PPP1R12A: variants seen among roughly 807,000 people sequenced by gnomAD.
PPP1R12A encodes protein phosphatase 1 regulatory subunit 12A.
A neutral mutation model predicts 139.6 loss-of-function variants in PPP1R12A; 19 were observed. The observed-to-expected ratio is 0.14, with a 90% CI of 0.09 to 0.20. PPP1R12A has a LOEUF of 0.20. Among genes scored for constraint, PPP1R12A ranks in the 10% least tolerant of loss-of-function variants. The pLI is 1.00. For missense variants in PPP1R12A, 925 were observed against 1,211.5 expected (o/e 0.76, Z 3.51); for synonymous variants, 427 against 420.6 (o/e 1.02, Z -0.19).
At chr12:79,839,530 C>G (rs1401006929) in intron 3 of PPP1R12A, among the ~76,000 whole-genome samples, 5 of 152,102 alleles carry the variant, frequency 3.3e-5, no homozygotes, top group Non-Finnish European at 7.4e-5. Context: ...CCCACAATCC[C>G]CACAAGTCGT....
intron 5 of PPP1R12A, among the ~76,000 whole-genome samples, chr12:79,824,198 C>T (rs1876486032): frequency 6.6e-6 from 1 of 152,130 alleles, no homozygotes; most frequent in Non-Finnish European, 1.5e-5. Context: ...ATTAGAAATA[C>T]ATGTTAATTC....
At chr12:79,788,611 T>C in intron 21 of PPP1R12A, 37 bp downstream of exon 21, 1 of 1,533,188 alleles carries the variant, frequency 6.5e-7, no homozygotes, top group Non-Finnish European at 8.8e-7. Flanking sequence ...ACATAAAAGA[T>C]AACTTTTTAT....
intron 1 of PPP1R12A, among the ~76,000 whole-genome samples, chr12:79,911,008 G>C (rs1224192225): frequency 6.6e-6 from 1 of 152,116 alleles, no homozygotes; most frequent in Non-Finnish European, 1.5e-5. Context: ...CAGAGAGAAT[G>C]GAAGGGATAT....
chr12:79,930,849 G>A (rs1888200210), intron 1 of PPP1R12A, among the ~76,000 whole-genome samples: 1 of 152,154 alleles, frequency 6.6e-6, no homozygotes. Context: ...AAGAACTGAT[G>A]CCAAGGTAAT....
chr12:79,794,419 G>A (rs1872257165), intron 18 of PPP1R12A, among the ~76,000 whole-genome samples: 1 of 151,700 alleles, frequency 6.6e-6, no homozygotes, highest in South Asian at 2.1e-4. Context: ...TTGTGCTATT[G>A]TTTTCATATG....
chr12:79,905,564 T>C lies in PPP1R12A; in HGVS notation c.237+29131A>G, dbSNP rs552741201. 8.5e-5 allele frequency among the ~76,000 whole-genome samples: 13 copies of C among 152,336 alleles called. 1 individual carries two copies. The East Asian group carries it at 2.5e-3, about 29-fold the overall frequency. On this transcript the variant is annotated intron_variant, in intron 1 of 24. Coordinates refer to ENST00000450142, the MANE Select transcript of PPP1R12A (RefSeq NM_002480.3). ...TGCCTTCCTGCTGAAGGCAGGATGCTGCAGATACTTTCTGATTTAAGGCTA... is the reference window on the plus strand; with the variant it reads ...TGCCTTCCTGCTGAAGGCAGGATGCCGCAGATACTTTCTGATTTAAGGCTA...
rs1871720618 is a variant in PPP1R12A at position 79,790,598 on chromosome 12, C to T, written c.2650-115G>A. ...ATCAATAGAAGCAAACGAATGAACA[C>T]CTAAGGTTCTTTATGCATAACAGTA... On this transcript the variant is annotated intron_variant, in intron 19 of 24. Coordinates refer to ENST00000450142, the MANE Select transcript of PPP1R12A (RefSeq NM_002480.3). 3 of 701,132 alleles carry T rather than the reference C, an allele frequency of 4.3e-6. No individual in the cohort carries two copies. The African/African-American group carries it at 5.5e-5, about 13-fold the overall frequency. 43.4% of individuals were successfully genotyped at this position (701,132 alleles called of 1,614,324 possible). A position where few individuals can be genotyped will look rare whatever the true frequency, so the allele number is the denominator to read the frequency against.
intron 23 of PPP1R12A, chr12:79,780,280 G>GT (rs1377914168): frequency 6.6e-6 from 1 of 151,850 alleles, no homozygotes; most frequent in African/African-American, 2.4e-5. Flanking sequence ...CATGTAAAGT[G>GT]TTTAATTTTG....
At chr12:79,887,554 A>G (rs1884221581) in intron 1 of PPP1R12A, among the ~76,000 whole-genome samples, 1 of 152,170 alleles carries the variant, frequency 6.6e-6, no homozygotes, top group Non-Finnish European at 1.5e-5. Context: ...AACTTTTTGG[A>G]GAAAATAAAT....
At chr12:79,854,587 T>C (rs1880412811) in intron 2 of PPP1R12A, among the ~76,000 whole-genome samples, 1 of 152,220 alleles carries the variant, frequency 6.6e-6, no homozygotes. Flanking sequence ...TAAGACTGTG[T>C]AGGTTCAAAC....
At chr12:79,913,427 T>C (rs1299921698) in intron 1 of PPP1R12A, among the ~76,000 whole-genome samples, 1 of 152,194 alleles carries the variant, frequency 6.6e-6, no homozygotes, top group Non-Finnish European at 1.5e-5. Context: ...ATAGACAGGT[T>C]GACAAGACTC....
At chr12:79,811,619 G>A (rs1300233430) in intron 9 of PPP1R12A, among the ~76,000 whole-genome samples, 3 of 152,238 alleles carry the variant, frequency 2.0e-5, no homozygotes, top group African/African-American at 7.2e-5. Context: ...GCTGCTTATT[G>A]ATTGGTGAGT....
intron 2 of PPP1R12A, among the ~76,000 whole-genome samples, chr12:79,849,340 T>C (rs975258183): frequency 2.0e-5 from 3 of 151,960 alleles, no homozygotes; most frequent in Non-Finnish European, 2.9e-5. Context: ...TGAGCCGAGA[T>C]TGTGCCACTG....
At chr12:79,885,123 G>A (rs1403102806) in intron 1 of PPP1R12A, among the ~76,000 whole-genome samples, 3 of 152,120 alleles carry the variant, frequency 2.0e-5, no homozygotes, top group African/African-American at 4.8e-5. Flanking sequence ...TCCTTTTCTT[G>A]AAATTATTTT....
At chr12:79,920,003 C>T (rs1887315561) in intron 1 of PPP1R12A, among the ~76,000 whole-genome samples, 1 of 152,150 alleles carries the variant, frequency 6.6e-6, no homozygotes, top group African/African-American at 2.4e-5. Context: ...AAAAGTTGTA[C>T]CCATTAGCAG....
At chr12:79,814,649 C>G (rs1485618710) in intron 9 of PPP1R12A, among the ~76,000 whole-genome samples, 1 of 150,128 alleles carries the variant, frequency 6.7e-6, no homozygotes, top group Non-Finnish European at 1.5e-5. Flanking sequence ...AACCCCGTCT[C>G]TACTAAAAAT....
chr12:79,841,954 T>A (rs1238997293), intron 3 of PPP1R12A, among the ~76,000 whole-genome samples: 2 of 152,232 alleles, frequency 1.3e-5, no homozygotes, highest in Non-Finnish European at 2.9e-5. Flanking sequence ...AATCACTTTT[T>A]ATAACACCTC....
At chr12:79,888,910 T>C (rs1325558202) in intron 1 of PPP1R12A, among the ~76,000 whole-genome samples, 1 of 152,182 alleles carries the variant, frequency 6.6e-6, no homozygotes, top group Non-Finnish European at 1.5e-5. Context: ...GTTCTATCTA[T>C]CAAAATTCAA....
chr12:79,842,258 T>G (rs1271172025), intron 3 of PPP1R12A, among the ~76,000 whole-genome samples: 1 of 152,156 alleles, frequency 6.6e-6, no homozygotes, highest in African/African-American at 2.4e-5. Flanking sequence ...AGGTTGAGGC[T>G]ATAGTGAGCC....
Sources: gnomAD v4.1 joint callset for allele counts (sites outside exome capture counted in the v4.1 genomes callset) on GRCh38, gnomAD v4.1.1 for gene constraint, MANE v1.5 for transcripts, NCBI Gene and HGNC (gene_info 2026-07-23, HGNC 2026-07-21) for gene names.